Variants in DUS4L observed in about 807,000 individuals in gnomAD.
The protein encoded by DUS4L is tRNA-dihydrouridine(20a/20b) synthase [NAD(P)+]-like.
A neutral mutation model predicts 33.8 loss-of-function variants in DUS4L; 31 were observed. That is an observed-to-expected ratio of 0.92 (90% CI 0.69 to 1.24). DUS4L has a LOEUF of 1.24. DUS4L is among the 50% of genes most tolerant of loss of function. DUS4L has a pLI of 0.00. For missense variants in DUS4L, 368 were observed against 388.6 expected (o/e 0.95, Z 0.45); for synonymous variants, 103 against 120.3 (o/e 0.86, Z 0.94).
At chr7:107,566,776 A>C (rs1223154964) in intron 2 of DUS4L, among the ~76,000 whole-genome samples, 1 of 150,742 alleles carries the variant, frequency 6.6e-6, no homozygotes, top group Non-Finnish European at 1.5e-5. Context: ...GAAAACTTAC[A>C]ACATGGTAAA....
intron 3 of DUS4L, chr7:107,567,619 A>G (rs1392240310): frequency 4.0e-6 from 1 of 250,948 alleles, no homozygotes; most frequent in African/African-American, 2.3e-5. Context: ...TTTACTATTG[A>G]GTTTTTTTAG....
chr7:107,573,161 A>G (rs566383104), intron 4 of DUS4L, among the ~76,000 whole-genome samples: 1 of 152,370 alleles, frequency 6.6e-6, no homozygotes, highest in East Asian at 1.9e-4. Context: ...TGTAATATCT[A>G]TCACAGTGTT....
chr7:107,575,393 G>A, intron 6 of DUS4L, 83 bp downstream of exon 6: 14 of 1,479,686 alleles, frequency 9.5e-6, no homozygotes, highest in Non-Finnish European at 1.3e-5. Context: ...GATGCTGTTG[G>A]GAGTATCTAT....
At position 107,573,614 on chromosome 7, in the gene DUS4L, A is replaced by G. The variant is rs140196860; in HGVS notation, c.239-90A>G. ...CTTAGGCTAAAAAATCGTTATTGCT[A>G]TTTTATCCTGTACAAACATTAAAGT... On this transcript the variant is annotated intron_variant, in intron 4 of 7. Coordinates refer to ENST00000265720, the MANE Select transcript of DUS4L (RefSeq NM_181581.3). The G allele has an allele frequency of 5.0e-3, 6,415 of 1,292,626 alleles. 41 individuals carry two copies. The highest frequency in any genetic ancestry group is 8.2e-3 in the South Asian group (373 of 45,752). 80.1% of individuals were successfully genotyped at this position (1,292,626 alleles called of 1,614,324 possible).
chr7:107,574,870 A>G (rs775928481), intron 5 of DUS4L: 4 of 345,786 alleles, frequency 1.2e-5, no homozygotes, highest in African/African-American at 2.2e-5. Context: ...CACAATAAAC[A>G]TCAAATTTGG....
Position 107,564,053 on chromosome 7 carries a change from C to A in DUS4L, c.-267C>A. The A allele has an allele frequency of 6.6e-7, 1 of 1,513,864 alleles. No individual in the cohort carries two copies. Among genetic ancestry groups the A allele is most frequent in the Non-Finnish European group, 8.9e-7 (1 of 1,125,876 alleles). The allele number at this position is 1,513,864 out of a possible 1,614,324, so 93.8% of individuals were successfully genotyped here. On this transcript the variant is annotated 5_prime_UTR_variant, in exon 1 of 8. Coordinates refer to ENST00000265720, the MANE Select transcript of DUS4L (RefSeq NM_181581.3). ...GCCTGGGCTAAGCCTGGCTAGGAGC[C>A]GCGCAGGTACTCGAGCAGTGGGCGC...
chr7:107,575,048 T>A, intron 5 of DUS4L, 140 bp from the exon 6 acceptor site: 1 of 1,103,984 alleles, frequency 9.1e-7, no homozygotes, highest in Non-Finnish European at 1.3e-6. Flanking sequence ...CTTAGAAATG[T>A]TGAATCTATG....
In DUS4L at chr7:107,564,172, G is replaced by T; in HGVS notation, c.-148G>T. 1.6e-6 allele frequency: 1 copy of T among 639,066 alleles called. No homozygotes were observed. Among genetic ancestry groups the T allele is most frequent in the Non-Finnish European group, 2.7e-6 (1 of 373,090 alleles). 39.6% of individuals were successfully genotyped at this position (639,066 alleles called of 1,614,324 possible). A position where few individuals can be genotyped will look rare whatever the true frequency, so the allele number is the denominator to read the frequency against. The stretch of plus-strand genomic sequence containing the variant: ...GTCTCTCGCAGCAGCTCAGGGCCGC[G>T]CCCCCTGGGCTGGCGTCGTGCCCTA... On this transcript the variant is annotated 5_prime_UTR_variant, in exon 1 of 8. Coordinates refer to ENST00000265720, the MANE Select transcript of DUS4L (RefSeq NM_181581.3).
At chr7:107,574,982 T>C (rs1425260862) in intron 5 of DUS4L, 1 of 623,598 alleles carries the variant, frequency 1.6e-6, no homozygotes, top group Non-Finnish European at 2.7e-6. Flanking sequence ...TGAAAACCAT[T>C]TCTCCTGAGT....
chr7:107,571,993 C>T (rs1334664230), intron 4 of DUS4L, among the ~76,000 whole-genome samples: 1 of 151,902 alleles, frequency 6.6e-6, no homozygotes, highest in Non-Finnish European at 1.5e-5. Context: ...CGTCATTCAG[C>T]TCTCAATATT....
intron 4 of DUS4L, among the ~76,000 whole-genome samples, chr7:107,572,330 A>G (rs1584994519): frequency 6.6e-6 from 1 of 152,196 alleles, no homozygotes; most frequent in African/African-American, 2.4e-5. Flanking sequence ...CTCCTAAACC[A>G]TCATAATCCT....
chr7:107,566,890 T>G lies in DUS4L; in HGVS notation c.-21-160T>G, dbSNP rs535426435. Among the ~76,000 whole-genome samples, 4 of 152,260 alleles carry G rather than the reference T, an allele frequency of 2.6e-5. No individual in the cohort carries two copies. In the South Asian group the frequency reaches 8.3e-4, roughly 32 times the overall value. On this transcript the variant is annotated intron_variant, in intron 2 of 7. Coordinates refer to ENST00000265720, the MANE Select transcript of DUS4L (RefSeq NM_181581.3). ...TCTTACAAATAGAGGCAGCATTCTA[T>G]AGTATCATATTGGATACTGTGAAAA...
Position 107,573,815 on chromosome 7 carries a change from C to A in DUS4L, c.350C>A (p.Pro117His). Reference sequence around the variant, plus strand: ...GGAATAGACATTAACTGTGGTTGCCCTCAGAGGTAAAGCTCAAAGAAGTTG... The same window carrying A: ...GGAATAGACATTAACTGTGGTTGCCATCAGAGGTAAAGCTCAAAGAAGTTG... ...ANGIDINCGC[P>H]QRWAMAEGYG... The change falls in exon 5 of 8, where the codon CCT becomes CAT. Residue 117 changes from proline (P) to histidine (H), a missense_variant. By Grantham distance (77) the Pro-to-His change is moderately conservative. Transcript: ENST00000265720. 6.5e-7 allele frequency: 1 copy of A among 1,537,022 alleles called. No homozygotes were observed. Among genetic ancestry groups the A allele is most frequent in the Non-Finnish European group, 8.8e-7 (1 of 1,140,634 alleles).
At chr7:107,577,124 A>G in intron 7 of DUS4L, 189 bp from the exon 8 acceptor site, 1 of 727,628 alleles carries the variant, frequency 1.4e-6, no homozygotes. Context: ...GTACATTTAA[A>G]CTTTCCTGGT....
intron 3 of DUS4L, among the ~76,000 whole-genome samples, chr7:107,569,757 A>C (rs1299526277): frequency 1.3e-5 from 2 of 152,216 alleles, no homozygotes; most frequent in Non-Finnish European, 2.9e-5. Context: ...TTGTATGTTG[A>C]TCTTATATCC....
intron 6 of DUS4L, 154 bp downstream of exon 6, chr7:107,575,464 T>C (rs769343443): frequency 5.2e-6 from 4 of 767,192 alleles, no homozygotes; most frequent in Non-Finnish European, 7.6e-6. Context: ...AGTAAAAGAA[T>C]ATATACCATA....
Position 107,575,242 on chromosome 7 carries a change from T to A in DUS4L, c.411T>A (p.Val137=). 6.2e-7 allele frequency: 1 copy of A among 1,610,166 alleles called. No homozygotes were observed. The highest frequency in any genetic ancestry group is 8.5e-7 in the Non-Finnish European group (1 of 1,179,114). Residue 137 remains valine (V), a synonymous_variant, in exon 6 of 8, where the codon GTT becomes GTA. Transcript: ENST00000265720. ...GACLINKPEL[V]QDMVKQVRNQ... ...GCTTAATAAACAAGCCAGAGCTTGT[T>A]CAAGACATGGTGAAACAAGTAAGAA...
rs374851574 is a variant in DUS4L at position 107,568,381 on chromosome 7, A to G, written c.116+1195A>G. 3.7e-4 allele frequency among the ~76,000 whole-genome samples: 57 copies of G among 152,294 alleles called. 1 individual carries two copies. The highest frequency in any genetic ancestry group is 1.3e-3 in the African/African-American group (53 of 41,566). On this transcript the variant is annotated intron_variant, in intron 3 of 7. Transcript: ENST00000265720. ...TGGGAGTTTTTATTTTATTATTATAATCATCCTAATGGGTGTGAAGTGGTA... is the reference window on the plus strand; with the variant it reads ...TGGGAGTTTTTATTTTATTATTATAGTCATCCTAATGGGTGTGAAGTGGTA...
At chr7:107,574,442 G>A (rs1334611302) in intron 5 of DUS4L, among the ~76,000 whole-genome samples, 1 of 150,528 alleles carries the variant, frequency 6.6e-6, no homozygotes, top group Admixed American at 6.6e-5. Flanking sequence ...AGGTTCAAGC[G>A]ATTCTCCTGC....
Sources: gnomAD v4.1 joint callset for allele counts (sites outside exome capture counted in the v4.1 genomes callset) on GRCh38, gnomAD v4.1.1 for gene constraint, MANE v1.5 for transcripts, NCBI Gene and HGNC (gene_info 2026-07-23, HGNC 2026-07-21) for gene names.